PCDH15: variants seen among roughly 807,000 people sequenced by gnomAD.
The protein encoded by PCDH15 is protocadherin related 15.
PCDH15 carries 129 observed loss-of-function variants against 178.5 expected under a neutral mutation model. The ratio of observed to expected loss-of-function variants is 0.72; its 90% CI spans 0.63 to 0.84. The LOEUF is 0.84. Among genes scored for constraint, PCDH15 ranks in the 40% least tolerant of loss-of-function variants. The pLI is 0.00. For missense variants in PCDH15, 2,230 were observed against 2,099.9 expected (o/e 1.06, Z -1.21); for synonymous variants, 800 against 732.0 (o/e 1.09, Z -1.50).
At chr10:55,542,461 G>A (rs367937338) in intron 2 of PCDH15, among the ~76,000 whole-genome samples, 34 of 150,546 alleles carry the variant, frequency 2.3e-4, no homozygotes, top group Admixed American at 7.3e-4. Flanking sequence ...TATTTAATAC[G>A]TATTTTAATA....
At chr10:54,905,000 G>A (rs115807654) in intron 2 of PCDH15, among the ~76,000 whole-genome samples, 22 of 151,430 alleles carry the variant, frequency 1.5e-4, no homozygotes, top group East Asian at 2.0e-4. Flanking sequence ...ACCTATTTTC[G>A]TTCTGGCCAC....
chr10:55,412,821 C>T (rs112544920), intron 2 of PCDH15, among the ~76,000 whole-genome samples: 1,873 of 150,996 alleles, frequency 0.012, 49 homozygotes, highest in African/African-American at 0.043. Context: ...TGGGAGTACA[C>T]GTTGCTGCAT....
Position 55,104,811 on chromosome 10 carries a change from T to G in PCDH15, c.-80+61765A>C, listed in dbSNP as rs548615545. On this transcript the variant is annotated intron_variant, in intron 2 of 5. Transcript: ENST00000458638. ...GTAGCACTTTGTATGGGTCCCATGGTGTTATTTAAGGTTTATGATACTGCA... is the reference window on the plus strand; with the variant it reads ...GTAGCACTTTGTATGGGTCCCATGGGGTTATTTAAGGTTTATGATACTGCA... 2.6e-3 allele frequency among the ~76,000 whole-genome samples: 400 copies of G among 152,248 alleles called. 1 individual carries two copies. The highest frequency in any genetic ancestry group is 4.2e-3 in the Non-Finnish European group (288 of 68,002).
chr10:53,991,099 C>T (rs923681093), intron 21 of PCDH15, among the ~76,000 whole-genome samples: 1 of 152,162 alleles, frequency 6.6e-6, no homozygotes, highest in Non-Finnish European at 1.5e-5. Context: ...CCCCCCACCC[C>T]CGTGGGCTCC....
At chr10:54,479,788 T>C (rs567236825) in intron 3 of PCDH15, among the ~76,000 whole-genome samples, 1 of 152,168 alleles carries the variant, frequency 6.6e-6, no homozygotes, top group African/African-American at 2.4e-5. Context: ...AAAATAATAC[T>C]GTTAAATTAT....
intron 23 of PCDH15, among the ~76,000 whole-genome samples, chr10:53,948,305 G>A (rs188729233): frequency 1.9e-4 from 29 of 152,158 alleles, no homozygotes; most frequent in Middle Eastern, 3.4e-3. Context: ...TATTCCTCTC[G>A]CTTGAAAATT....
intron 3 of PCDH15, among the ~76,000 whole-genome samples, chr10:54,498,915 T>C (rs767307262): frequency 6.6e-6 from 1 of 152,018 alleles, no homozygotes; most frequent in African/African-American, 2.4e-5. Flanking sequence ...CTTCCTCACA[T>C]GGCCAGAGGA....
intron 2 of PCDH15, among the ~76,000 whole-genome samples, chr10:55,611,410 G>A (rs116248563): frequency 0.023 from 3,451 of 152,034 alleles, 137 homozygotes; most frequent in African/African-American, 0.079. Context: ...ATATTAAAAG[G>A]TGTTCAATAT....
intron 3 of PCDH15, among the ~76,000 whole-genome samples, chr10:54,385,722 T>C (rs1949835816): frequency 6.6e-6 from 1 of 152,302 alleles, no homozygotes; most frequent in East Asian, 1.9e-4. Context: ...ATATTCCTTT[T>C]CAATAGCACA....
At position 54,774,007 on chromosome 10, in the gene PCDH15, C is replaced by CTTTTTTTTTTTTTTTTTT. The variant is rs763704132; in HGVS notation, c.-29+26900_-29+26917dup. Among the ~76,000 whole-genome samples, 8 of 75,384 alleles carry CTTTTTTTTTTTTTTTTTT rather than the reference C, an allele frequency of 1.1e-4. 2 individuals carry two copies. Among genetic ancestry groups the CTTTTTTTTTTTTTTTTTT allele is most frequent in the Non-Finnish European group, 1.3e-4 (5 of 39,284 alleles). The allele number at this position is 75,384 out of a possible 152,430, so 49.5% of individuals were successfully genotyped here. A position where few individuals can be genotyped will look rare whatever the true frequency, so the allele number is the denominator to read the frequency against. On this transcript the variant is annotated intron_variant, in intron 1 of 37. Transcript: ENST00000644397. ...TAGATGAACTGGCATACTTCATAGG[C>CTTTTTTTTTTTTTTTTTT]TTTTTTTTTTTTTTTTTTTTTTTTT...
chr10:53,972,957 T>G (rs2089863368), intron 21 of PCDH15, among the ~76,000 whole-genome samples: 2 of 152,196 alleles, frequency 1.3e-5, no homozygotes, highest in South Asian at 4.1e-4. Flanking sequence ...ATGCAAAGGA[T>G]TATAAATCAT....
At chr10:54,416,169 T>G (rs559151905) in intron 3 of PCDH15, among the ~76,000 whole-genome samples, 18 of 152,148 alleles carry the variant, frequency 1.2e-4, no homozygotes, top group African/African-American at 4.1e-4. Context: ...ATTTTTACTT[T>G]AAGTTCTGGG....
chr10:55,297,255 T>C (rs1236983032), intron 1 of PCDH15, among the ~76,000 whole-genome samples: 1 of 152,116 alleles, frequency 6.6e-6, no homozygotes, highest in African/African-American at 2.4e-5. Flanking sequence ...CAAATTTATA[T>C]AGGGTGATCA....
intron 6 of PCDH15, among the ~76,000 whole-genome samples, chr10:54,337,362 G>C (rs1224461169): frequency 6.6e-6 from 1 of 151,904 alleles, no homozygotes; most frequent in African/African-American, 2.4e-5. Context: ...ATATGATTTG[G>C]CTGAATCCCC....
intron 2 of PCDH15, among the ~76,000 whole-genome samples, chr10:55,120,362 C>A (rs1454911822): frequency 1.3e-5 from 2 of 151,984 alleles, no homozygotes; most frequent in Non-Finnish European, 2.9e-5. Context: ...CATGGTAATA[C>A]CATGTAGGCA....
intron 25 of PCDH15, among the ~76,000 whole-genome samples, chr10:53,923,545 G>A (rs1424467085): frequency 6.6e-6 from 1 of 152,116 alleles, no homozygotes; most frequent in East Asian, 1.9e-4. Flanking sequence ...CAAAATTAGG[G>A]AATATTTAAG....
intron 1 of PCDH15, among the ~76,000 whole-genome samples, chr10:55,285,905 T>C (rs1842858685): frequency 6.6e-6 from 1 of 152,006 alleles, no homozygotes; most frequent in African/African-American, 2.4e-5. Flanking sequence ...TAAAACTGCT[T>C]TAGTGAAGCA....
At chr10:54,809,513 G>A (rs944548434) in intron 3 of PCDH15, among the ~76,000 whole-genome samples, 5 of 152,094 alleles carry the variant, frequency 3.3e-5, no homozygotes, top group East Asian at 1.9e-4. Context: ...AAAATATAAT[G>A]AGAATCCAGT....
chr10:54,426,426 T>C (rs1408711888), intron 3 of PCDH15, among the ~76,000 whole-genome samples: 2 of 152,246 alleles, frequency 1.3e-5, no homozygotes, highest in South Asian at 2.1e-4. Flanking sequence ...GCTTCTATGA[T>C]AATCAAATGC....
Sources: allele counts gnomAD v4.1 joint callset (sites outside exome capture counted in the v4.1 genomes callset), GRCh38; gene constraint gnomAD v4.1.1; transcripts MANE v1.5; gene names NCBI Gene and HGNC (gene_info 2026-07-23, HGNC 2026-07-21).